PCLO: variants seen among roughly 807,000 people sequenced by gnomAD.
PCLO encodes protein piccolo.
In PCLO, 82 loss-of-function variants were observed where a neutral mutation model predicts 427.5. The ratio of observed to expected loss-of-function variants is 0.19; its 90% CI spans 0.16 to 0.23. The LOEUF is 0.23. Among genes scored for constraint, PCLO ranks in the 10% least tolerant of loss-of-function variants. PCLO has a pLI of 1.00. For synonymous variants in PCLO, 2,357 were observed against 2,155.4 expected (o/e 1.09, Z -2.59); for missense variants, 6,239 against 6,115.9 (o/e 1.02, Z -0.67).
chr7:83,045,876 G>C (rs1022475747), intron 3 of PCLO, among the ~76,000 whole-genome samples: 2 of 152,066 alleles, frequency 1.3e-5, no homozygotes, highest in African/African-American at 4.8e-5. Context: ...ATTCTTGCCT[G>C]TATGAGTTTT....
chr7:83,141,916 T>C (rs1436268025), intron 2 of PCLO, among the ~76,000 whole-genome samples: 1 of 152,230 alleles, frequency 6.6e-6, no homozygotes, highest in Non-Finnish European at 1.5e-5. Context: ...ATAATCAGTT[T>C]GATACATCTA....
chr7:82,787,856 C>A (rs1791016279), intron 22 of PCLO, among the ~76,000 whole-genome samples: 1 of 152,072 alleles, frequency 6.6e-6, no homozygotes, highest in African/African-American at 2.4e-5. Flanking sequence ...CTAGCCAAGT[C>A]ATCATTAATT....
intron 22 of PCLO, among the ~76,000 whole-genome samples, chr7:82,798,892 C>T (rs1583986818): frequency 6.6e-6 from 1 of 152,096 alleles, no homozygotes; most frequent in Non-Finnish European, 1.5e-5. Flanking sequence ...AACCCCCGCC[C>T]CTCTGCTCAA....
intron 3 of PCLO, among the ~76,000 whole-genome samples, chr7:83,094,211 T>TTTC (rs1554395829): frequency 9.5e-5 from 3 of 31,746 alleles, no homozygotes; most frequent in South Asian, 1.9e-3. Flanking sequence ...TTTTTTTTTC[T>TTTC]TTTTTTTTTT....
intron 12 of PCLO, among the ~76,000 whole-genome samples, chr7:82,846,352 C>A (rs192607043): frequency 1.3e-5 from 2 of 152,196 alleles, no homozygotes; most frequent in South Asian, 2.1e-4. Flanking sequence ...GACTAACATG[C>A]AAATATGTAT....
chr7:83,098,991 A>G (rs1790665363), intron 3 of PCLO, among the ~76,000 whole-genome samples: 1 of 152,136 alleles, frequency 6.6e-6, no homozygotes, highest in African/African-American at 2.4e-5. Flanking sequence ...AAGGAGTGGA[A>G]AAACACAAGA....
chr7:82,961,441 T>G (rs952030120), intron 4 of PCLO, among the ~76,000 whole-genome samples: 1 of 152,176 alleles, frequency 6.6e-6, no homozygotes, highest in African/African-American at 2.4e-5. Context: ...TAGCGGTTGC[T>G]TGAAAGTTGT....
intron 3 of PCLO, among the ~76,000 whole-genome samples, chr7:83,029,070 A>T (rs1788586237): frequency 6.6e-6 from 1 of 152,134 alleles, no homozygotes; most frequent in Non-Finnish European, 1.5e-5. Context: ...TGTCTAAAAC[A>T]CCAAAAGCAA....
At chr7:83,143,642 C>CA (rs36020139) in intron 2 of PCLO, among the ~76,000 whole-genome samples, 4,675 of 102,956 alleles carry the variant, frequency 0.045, 233 homozygotes, top group African/African-American at 0.13. Context: ...CAGGATTGCC[C>CA]AAAAAAAAAA....
At chr7:83,109,041 C>G (rs1243623933) in intron 3 of PCLO, among the ~76,000 whole-genome samples, 1 of 152,060 alleles carries the variant, frequency 6.6e-6, no homozygotes, top group Non-Finnish European at 1.5e-5. Flanking sequence ...TCTGTGTTAC[C>G]TGTTCACTGT....
Position 82,915,646 on chromosome 7 carries a change from G to C in PCLO, c.12340C>G (p.Pro4114Ala), listed in dbSNP as rs1237574252. Residue 4114 changes from proline (P) to alanine (A), a missense_variant, in exon 7 of 25, where the codon CCA becomes GCA. This residue lies in a region of PCLO where 680 missense variants were observed against 677.3 expected (regional missense o/e 1.00). Coordinates refer to ENST00000333891, the MANE Select transcript of PCLO (RefSeq NM_033026.6). ...TTTAACTCGTAAGGATCCTCCATTG[G>C]GTCTTCCTCCGCCTTCACATAACTA... ...LHSYVKAEED[P>A]MEDPYELKLL... 10 of 1,613,282 alleles carry C rather than the reference G, an allele frequency of 6.2e-6. No homozygotes were observed. Among genetic ancestry groups the C allele is most frequent in the Non-Finnish European group, 8.5e-6 (10 of 1,179,688 alleles).
chr7:83,026,728 A>G (rs1388385439), intron 3 of PCLO, among the ~76,000 whole-genome samples: 1 of 152,042 alleles, frequency 6.6e-6, no homozygotes, highest in Non-Finnish European at 1.5e-5. Context: ...CAGCAAATGT[A>G]AAAGAACACA....
intron 22 of PCLO, among the ~76,000 whole-genome samples, chr7:82,762,629 A>C (rs1240970781): frequency 1.5e-5 from 2 of 130,288 alleles, no homozygotes; most frequent in East Asian, 5.2e-4. Flanking sequence ...ATATTTAAAA[A>C]TATTTATTAA....
rs1299933539 is a variant in PCLO at position 82,756,740 on chromosome 7, A to G, written c.*1835T>C. On this transcript the variant is annotated 3_prime_UTR_variant, in exon 25 of 25. Coordinates refer to ENST00000333891, the MANE Select transcript of PCLO (RefSeq NM_033026.6). ...GTTTTAAGCTCAGAATGCTCTGAGA[A>G]GCAATTTGATTTATTTCTTTTGGGT... is the stretch of plus-strand genomic sequence containing the variant. 1.3e-5 allele frequency: 2 copies of G among 152,042 alleles called. No individual in the cohort carries two copies. The highest frequency in any genetic ancestry group is 2.4e-5 in the African/African-American group (1 of 41,416). The allele number at this position is 152,042 out of a possible 1,614,324, so 9.4% of individuals were successfully genotyped here. A position where few individuals can be genotyped will look rare whatever the true frequency, so the allele number is the denominator to read the frequency against.
chr7:82,969,311 G>A (rs1391483285), intron 3 of PCLO, among the ~76,000 whole-genome samples: 2 of 151,990 alleles, frequency 1.3e-5, no homozygotes, highest in Non-Finnish European at 2.9e-5. Context: ...CCTATAAAGT[G>A]GTGATAACCA....
chr7:82,820,446 C>T, intron 20 of PCLO: 1 of 1,045,422 alleles, frequency 9.6e-7, no homozygotes, highest in Non-Finnish European at 1.2e-6. Flanking sequence ...TTTTAAGCTG[C>T]ATCATATAAC....
chr7:82,943,567 G>A (rs1176287206), intron 6 of PCLO, among the ~76,000 whole-genome samples: 1 of 152,096 alleles, frequency 6.6e-6, no homozygotes, highest in Non-Finnish European at 1.5e-5. Context: ...AATTTACATT[G>A]CTATGCAATA....
At position 82,949,487 on chromosome 7, in the gene PCLO, C is replaced by G; in HGVS notation, c.11101G>C (p.Glu3701Gln). ...ESSRAPFQYTEGYTTKGSQTM... is the reference protein window; with the variant it reads ...ESSRAPFQYTQGYTTKGSQTM... ...AGAATCACTCTTACCGTATAGCCCT[C>G]GGTATACTGAAAAGGAGCCCTGGAA... The change falls in exon 6 of 25, where the codon GAG (glutamate) becomes CAG (glutamine). Residue 3701 changes from glutamate (E) to glutamine (Q), a missense_variant. Physicochemically the swap from Glu to Gln is conservative, Grantham distance 29. Around this residue, in one of 5 missense-constraint regions of PCLO, gnomAD observed 4,677 missense variants for 4,468.4 expected, o/e 1.05. Transcript: ENST00000333891. The G allele has an allele frequency of 6.2e-7, 1 of 1,600,298 alleles. No individual in the cohort carries two copies. The highest frequency in any genetic ancestry group is 2.2e-5 in the East Asian group (1 of 44,826).
chr7:82,868,942 T>G (rs1793162988), intron 10 of PCLO, among the ~76,000 whole-genome samples: 1 of 152,160 alleles, frequency 6.6e-6, no homozygotes, highest in African/African-American at 2.4e-5. Context: ...TTAGGTTCAT[T>G]GGATATATGA....
Sources: gnomAD v4.1 joint callset for allele counts (sites outside exome capture counted in the v4.1 genomes callset) on GRCh38, gnomAD v4.1.1 for gene constraint, gnomAD v4.1.1 regional missense constraint, MANE v1.5 for transcripts, NCBI Gene and HGNC (gene_info 2026-07-23, HGNC 2026-07-21) for gene names.